The following PLXNA4 variants were observed in gnomAD, a reference collection of about 807,000 sequenced individuals.
PLXNA4 encodes the protein plexin-A4.
PLXNA4 carries 44 observed loss-of-function variants against 191.8 expected under a neutral mutation model. That is an observed-to-expected ratio of 0.23 (90% CI 0.18 to 0.29). The LOEUF (loss-of-function observed/expected upper bound fraction) is 0.29. Ranked by LOEUF, PLXNA4 falls within the 10% of genes least tolerant of loss-of-function variation. The probability of loss-of-function intolerance (pLI) is 1.00; values close to 1 mark genes in which losing one functional copy is unlikely to be tolerated. For missense variants in PLXNA4, 1,800 were observed against 2,488.8 expected, an observed-to-expected ratio of 0.72 and a Z score of 5.89; for synonymous variants, 1,082 against 1,009.5, an observed-to-expected ratio of 1.07 and a Z score of -1.36.
chr7:132,432,185 C>A (rs1157561414), intron 3 of PLXNA4, among the ~76,000 whole-genome samples: 1 of 152,118 alleles, frequency 6.6e-6, no homozygotes, highest in Non-Finnish European at 1.5e-5. Flanking sequence ...AACGGGGTAC[C>A]AGAACTGGTG....
At chr7:132,223,754 T>G (rs1372556685) in intron 8 of PLXNA4, 113 bp from the exon 9 acceptor site, 1 of 780,266 alleles carries the variant, frequency 1.3e-6, no homozygotes, top group Admixed American at 2.1e-5. Flanking sequence ...AAACCACCGT[T>G]GAATGTGCAG....
At chr7:132,381,597 C>T (rs1391698337) in intron 3 of PLXNA4, among the ~76,000 whole-genome samples, 2 of 152,218 alleles carry the variant, frequency 1.3e-5, no homozygotes, top group African/African-American at 2.4e-5. Flanking sequence ...GCAAGGAACA[C>T]AGTCTGGAAA....
At chr7:132,296,509 G>A (rs141368733) in intron 4 of PLXNA4, among the ~76,000 whole-genome samples, 2,092 of 151,412 alleles carry the variant, frequency 0.014, 49 homozygotes, top group African/African-American at 0.048. Flanking sequence ...TGGCCTTTCG[G>A]TAATCCTCCT....
At chr7:132,173,961 G>A (rs10261401) in intron 21 of PLXNA4, among the ~76,000 whole-genome samples, 3 of 152,152 alleles carry the variant, frequency 2.0e-5, no homozygotes, top group East Asian at 1.9e-4. Flanking sequence ...GGCAACCACT[G>A]AACTCTGGCC....
Position 132,216,238 on chromosome 7 carries a change from C to T in PLXNA4, c.2098-5095G>A, listed in dbSNP as rs115350832. ...CTATTGTGTTAAGCATAGAGAAGAA[C>T]GGTTTGTTTTCCTTTTAGTCCCAGT... is the stretch of plus-strand genomic sequence containing the variant. On this transcript the variant is annotated intron_variant, in intron 9 of 31. Transcript: ENST00000321063. Among the ~76,000 whole-genome samples, 326 of 152,272 alleles carry T rather than the reference C, an allele frequency of 2.1e-3. 2 individuals are homozygous for T. The highest frequency in any genetic ancestry group is 7.2e-3 in the African/African-American group (299 of 41,542).
intron 3 of PLXNA4, among the ~76,000 whole-genome samples, chr7:132,451,015 C>T (rs911311483): frequency 5.3e-5 from 8 of 152,242 alleles, no homozygotes; most frequent in Admixed American, 2.0e-4. Context: ...GTAGCCACAC[C>T]TTCAAGGTGT....
intron 3 of PLXNA4, among the ~76,000 whole-genome samples, chr7:132,346,466 C>T (rs548917667): frequency 6.6e-6 from 1 of 152,334 alleles, no homozygotes; most frequent in African/African-American, 2.4e-5. Flanking sequence ...TAATTACACT[C>T]TTCTCTCTAT....
chr7:132,632,191 G>T (rs367968501), intron 2 of PLXNA4, among the ~76,000 whole-genome samples: 80 of 131,192 alleles, frequency 6.1e-4, no homozygotes, highest in African/African-American at 2.1e-3. Flanking sequence ...AGCTGAGATT[G>T]TACCACTGCA....
intron 2 of PLXNA4, among the ~76,000 whole-genome samples, chr7:132,587,798 C>T (rs1802530004): frequency 6.6e-6 from 1 of 151,878 alleles, no homozygotes; most frequent in South Asian, 2.1e-4. Flanking sequence ...ACACCTCATT[C>T]ATCAGATGCA....
intron 3 of PLXNA4, among the ~76,000 whole-genome samples, chr7:132,331,318 T>A (rs1449157122): frequency 6.6e-6 from 1 of 152,252 alleles, no homozygotes; most frequent in Non-Finnish European, 1.5e-5. Context: ...GAAACACCGC[T>A]GCACACAGCC....
chr7:132,130,721 G>A, intron 31 of PLXNA4, 147 bp from the exon 32 acceptor site: 1 of 1,187,062 alleles, frequency 8.4e-7, no homozygotes, highest in Non-Finnish European at 1.2e-6. Flanking sequence ...GGGGTAGGAG[G>A]AGACCTGGGG....
intron 2 of PLXNA4, among the ~76,000 whole-genome samples, chr7:132,498,488 T>TATC (rs1421824435): frequency 6.6e-6 from 1 of 152,192 alleles, no homozygotes; most frequent in Non-Finnish European, 1.5e-5. Context: ...ACTTATTCAC[T>TATC]ATCACGAAAA....
chr7:132,181,633 C>A lies in PLXNA4; in HGVS notation c.3253-13G>T. 2 of 1,613,354 alleles carry A rather than the reference C, an allele frequency of 1.2e-6. No homozygotes were observed. The highest frequency in any genetic ancestry group is 1.7e-6 in the Non-Finnish European group (2 of 1,179,540). The stretch of plus-strand genomic sequence containing the variant: ...GAACCTCACAGATCTGTGGGAGGAG[C>A]CACAGAGTGGAGTCTATGCAGTATC... On this transcript the variant is annotated splice_polypyrimidine_tract_variant and intron_variant, in intron 17 of 31. Transcript: ENST00000321063.
chr7:132,455,364 T>C (rs1248434251), intron 3 of PLXNA4, among the ~76,000 whole-genome samples: 1 of 151,736 alleles, frequency 6.6e-6, no homozygotes, highest in Non-Finnish European at 1.5e-5. Flanking sequence ...GAGAGGAAGG[T>C]ATCAGGTGTG....
At chr7:132,426,471 GT>G (rs1443316893) in intron 3 of PLXNA4, among the ~76,000 whole-genome samples, 4 of 152,222 alleles carry the variant, frequency 2.6e-5, no homozygotes, top group African/African-American at 7.2e-5. Context: ...CTGACACTAG[GT>G]GTGGCCTCCC....
intron 3 of PLXNA4, chr7:132,384,984 G>A: frequency 7.2e-7 from 1 of 1,379,394 alleles, no homozygotes; most frequent in Non-Finnish European, 9.4e-7. Flanking sequence ...GCTTGGGGCA[G>A]AGAAAAGAGA....
At chr7:132,430,400 G>A (rs1795214980) in intron 3 of PLXNA4, among the ~76,000 whole-genome samples, 1 of 152,098 alleles carries the variant, frequency 6.6e-6, no homozygotes. Flanking sequence ...GATGGAAATG[G>A]TTAAGTAGCA....
intron 1 of PLXNA4, among the ~76,000 whole-genome samples, chr7:132,527,314 C>T (rs1318770911): frequency 6.6e-6 from 1 of 151,996 alleles, no homozygotes; most frequent in East Asian, 1.9e-4. Context: ...GTAAGAGTTA[C>T]CTTACTGAGA....
At chr7:132,443,482 G>A (rs555127385) in intron 3 of PLXNA4, among the ~76,000 whole-genome samples, 2 of 152,278 alleles carry the variant, frequency 1.3e-5, no homozygotes, top group East Asian at 3.9e-4. Context: ...TTTCATGACT[G>A]TGATCTCTCT....
Sources: allele counts gnomAD v4.1 joint callset (sites outside exome capture counted in the v4.1 genomes callset), GRCh38; gene constraint gnomAD v4.1.1; transcripts MANE v1.5; gene names NCBI Gene and HGNC (gene_info 2026-07-23, HGNC 2026-07-21).